The following KCNMA1 variants were observed in gnomAD, a reference collection of about 807,000 sequenced individuals.
The protein encoded by KCNMA1 is Calcium-activated potassium channel subunit alpha-1.
In KCNMA1, 29 loss-of-function variants were observed where a neutral mutation model predicts 140.0. The ratio of observed to expected loss-of-function variants is 0.21; its 90% CI spans 0.15 to 0.28. The LOEUF is 0.28. Among genes scored for constraint, KCNMA1 ranks in the 10% least tolerant of loss-of-function variants. The pLI is 1.00. For missense variants in KCNMA1, 880 were observed against 1,602.2 expected (o/e 0.55, Z 7.70); for synonymous variants, 612 against 611.9 (o/e 1.00, Z 0.00).
Position 77,131,449 on chromosome 10 carries a change from G to A in KCNMA1, c.809-10401C>T, listed in dbSNP as rs1046773252. Reference sequence around the variant, plus strand: ...AACCACATGGATGAATCACACAGGCGTAACACTGAGAGAACAAGGCCTGAC... The same window carrying A: ...AACCACATGGATGAATCACACAGGCATAACACTGAGAGAACAAGGCCTGAC... On this transcript the variant is annotated intron_variant, in intron 5 of 27. Coordinates refer to ENST00000286628, the MANE Select transcript of KCNMA1 (RefSeq NM_001161352.2). Among the ~76,000 whole-genome samples the A allele has an allele frequency of 9.9e-5, 15 of 152,040 alleles. No individual in the cohort carries two copies. In the East Asian group the frequency reaches 1.6e-3, roughly 16 times the overall value.
At chr10:77,471,813 C>T (rs534640851) in intron 1 of KCNMA1, among the ~76,000 whole-genome samples, 77 of 151,944 alleles carry the variant, frequency 5.1e-4, no homozygotes, top group African/African-American at 1.7e-3. Context: ...ACGCAGCACA[C>T]ACATACTATA....
chr10:77,624,289 A>G (rs1182984671), intron 1 of KCNMA1, among the ~76,000 whole-genome samples: 1 of 152,242 alleles, frequency 6.6e-6, no homozygotes, highest in Non-Finnish European at 1.5e-5. Context: ...TTTATAGTCT[A>G]TAATCTAAGA....
rs553011975 is a variant in KCNMA1, at chr10:76,909,921, A to T, written c.3147+45T>A. On this transcript the variant is annotated intron_variant, in intron 25 of 27. Coordinates refer to ENST00000286628, the MANE Select transcript of KCNMA1 (RefSeq NM_001161352.2). ...CAAAGGTTGGAGGTGCTCTATTGGC[A>T]CATCCTCCACCCTTGAGTGAGGAGG... 82 of 1,602,844 alleles carry T rather than the reference A, an allele frequency of 5.1e-5. 1 individual carries two copies. In the South Asian group the frequency reaches 8.9e-4, roughly 17 times the overall value.
At chr10:76,897,171 T>A (rs1260751555) in intron 25 of KCNMA1, among the ~76,000 whole-genome samples, 1 of 151,796 alleles carries the variant, frequency 6.6e-6, no homozygotes, top group Non-Finnish European at 1.5e-5. Context: ...AAAGGTCAAG[T>A]GATAAACAGT....
chr10:77,479,394 C>T (rs1205721552), intron 1 of KCNMA1, among the ~76,000 whole-genome samples: 2 of 152,132 alleles, frequency 1.3e-5, no homozygotes, highest in Non-Finnish European at 1.5e-5. Context: ...CAGGAGGTGT[C>T]CAGTCTTCCT....
intron 1 of KCNMA1, among the ~76,000 whole-genome samples, chr10:77,485,196 T>G (rs1161959659): frequency 6.6e-6 from 1 of 152,228 alleles, no homozygotes; most frequent in African/African-American, 2.4e-5. Context: ...ACGTGTGTAT[T>G]TGTATGCCCA....
intron 5 of KCNMA1, 113 bp from the exon 6 acceptor site, chr10:77,121,161 A>C: frequency 1.4e-6 from 1 of 735,428 alleles, no homozygotes; most frequent in Non-Finnish European, 2.4e-6. Context: ...AAGTTCTTGC[A>C]GAAGATAAAC....
intron 1 of KCNMA1, among the ~76,000 whole-genome samples, chr10:77,560,534 C>T (rs1430440927): frequency 6.6e-6 from 1 of 152,192 alleles, no homozygotes; most frequent in African/African-American, 2.4e-5. Flanking sequence ...AGGTGGTTCT[C>T]AGTCCATGCA....
At chr10:77,521,096 T>C (rs187857298) in intron 1 of KCNMA1, among the ~76,000 whole-genome samples, 7 of 152,334 alleles carry the variant, frequency 4.6e-5, no homozygotes, top group African/African-American at 1.7e-4. Flanking sequence ...AAACTAAGTG[T>C]GACAGATGAG....
chr10:77,434,733 T>A (rs2097221147), intron 1 of KCNMA1, among the ~76,000 whole-genome samples: 1 of 151,132 alleles, frequency 6.6e-6, no homozygotes, highest in South Asian at 2.1e-4. Context: ...CTCCAAGGAG[T>A]TTTTTGGCTA....
intron 1 of KCNMA1, among the ~76,000 whole-genome samples, chr10:77,420,075 T>C (rs939856596): frequency 3.9e-5 from 6 of 152,214 alleles, no homozygotes; most frequent in Non-Finnish European, 8.8e-5. Flanking sequence ...CTGAAGTGAA[T>C]TGGGGTACGC....
chr10:77,532,467 T>C (rs762452546), intron 1 of KCNMA1, among the ~76,000 whole-genome samples: 4 of 152,218 alleles, frequency 2.6e-5, no homozygotes, highest in Non-Finnish European at 5.9e-5. Flanking sequence ...AGGACACTCC[T>C]TGGGTGGGAA....
intron 19 of KCNMA1, chr10:76,978,389 A>G (rs2078335825): frequency 6.6e-6 from 1 of 152,224 alleles, no homozygotes; most frequent in African/African-American, 2.4e-5. Context: ...ATGCCAATGA[A>G]TTATGTATTT....
At chr10:77,111,015 G>A (rs2097308335) in intron 7 of KCNMA1, among the ~76,000 whole-genome samples, 2 of 152,214 alleles carry the variant, frequency 1.3e-5, no homozygotes, top group South Asian at 4.1e-4. Context: ...TCAAGGGCTG[G>A]CAAACTTTTT....
chr10:77,636,766 A>C, intron 1 of KCNMA1: 1 of 1,461,584 alleles, frequency 6.8e-7, no homozygotes, highest in Non-Finnish European at 9.0e-7. Context: ...TGCCCAAAGG[A>C]TTTTTCCCTT....
At position 77,475,878 on chromosome 10, in the gene KCNMA1, C is replaced by T. The variant is rs558649204; in HGVS notation, c.379-71855G>A. ...GTCTAAAGATCTCCTTGCTCAGGGT[C>T]TCACAGTGAGGCTCTGGCTGGACTA... On this transcript the variant is annotated intron_variant, in intron 1 of 27. Transcript: ENST00000286628. Among the ~76,000 whole-genome samples the T allele has an allele frequency of 3.3e-5, 5 of 152,332 alleles. No homozygotes were observed. In the East Asian group the frequency reaches 9.6e-4, roughly 29 times the overall value.
chr10:76,994,020 C>G (rs2083511717), intron 19 of KCNMA1, among the ~76,000 whole-genome samples: 1 of 152,190 alleles, frequency 6.6e-6, no homozygotes, highest in South Asian at 2.1e-4. Context: ...TATTCAACTG[C>G]AAGAGTAACT....
chr10:76,993,105 C>T (rs1252345279), intron 19 of KCNMA1, among the ~76,000 whole-genome samples: 1 of 152,194 alleles, frequency 6.6e-6, no homozygotes, highest in African/African-American at 2.4e-5. Context: ...CCAGCTGTCC[C>T]CACTGGTGGC....
intron 19 of KCNMA1, among the ~76,000 whole-genome samples, chr10:76,998,295 A>G (rs1345458048): frequency 6.6e-6 from 1 of 152,164 alleles, no homozygotes; most frequent in Non-Finnish European, 1.5e-5. Flanking sequence ...TTGTGTTTCA[A>G]TTTAACATCC....
Sources: gnomAD v4.1 joint callset for allele counts (sites outside exome capture counted in the v4.1 genomes callset) on GRCh38, gnomAD v4.1.1 for gene constraint, MANE v1.5 for transcripts, NCBI Gene and HGNC (gene_info 2026-07-23, HGNC 2026-07-21) for gene names.